The following GIPC2 variants were observed in gnomAD, a reference collection of about 807,000 sequenced individuals.
GIPC2 encodes the protein PDZ domain-containing protein GIPC2.
In GIPC2, 30 loss-of-function variants were observed where a neutral mutation model predicts 30.6. That is an observed-to-expected ratio of 0.98 (90% CI 0.73 to 1.33). The LOEUF (loss-of-function observed/expected upper bound fraction) is 1.33. GIPC2 is among the 40% of genes most tolerant of loss of function. The probability of loss-of-function intolerance (pLI) is 0.00; values close to 1 mark genes in which losing one functional copy is unlikely to be tolerated. For synonymous variants in GIPC2, 167 were observed against 150.0 expected, an observed-to-expected ratio of 1.11 and a Z score of -0.83; for missense variants, 414 against 390.3, an observed-to-expected ratio of 1.06 and a Z score of -0.51.
chr1:78,097,133 G>C (rs910659503), intron 3 of GIPC2, among the ~76,000 whole-genome samples: 2 of 152,122 alleles, frequency 1.3e-5, no homozygotes, highest in Non-Finnish European at 2.9e-5. Flanking sequence ...ATATATCAGG[G>C]GGTACTTGGG....
intron 4 of GIPC2, among the ~76,000 whole-genome samples, chr1:78,120,814 TC>T (rs1334585604): frequency 3.9e-5 from 6 of 152,090 alleles, no homozygotes. Flanking sequence ...TCCCACCGGG[TC>T]CCTCCCACAA....
intron 1 of GIPC2, among the ~76,000 whole-genome samples, chr1:78,068,829 A>T (rs1238448916): frequency 6.6e-6 from 1 of 152,192 alleles, no homozygotes; most frequent in Non-Finnish European, 1.5e-5. Flanking sequence ...AGAAGCAGGT[A>T]GCAAGGGCTC....
chr1:78,129,063 A>C (rs1280802711), intron 5 of GIPC2, among the ~76,000 whole-genome samples: 1 of 152,030 alleles, frequency 6.6e-6, no homozygotes, highest in African/African-American at 2.4e-5. Context: ...CAGCTTAAAA[A>C]AAGGAAATTC....
intron 2 of GIPC2, among the ~76,000 whole-genome samples, 153 bp downstream of exon 2, chr1:78,081,013 T>C (rs1159604823): frequency 1.3e-5 from 2 of 152,198 alleles, no homozygotes; most frequent in African/African-American, 2.4e-5. Flanking sequence ...TTAAAAATGT[T>C]CAGATGTCAG....
At chr1:78,077,380 A>G (rs1006170356) in intron 1 of GIPC2, among the ~76,000 whole-genome samples, 7 of 152,324 alleles carry the variant, frequency 4.6e-5, no homozygotes, top group Non-Finnish European at 8.8e-5. Context: ...AAAATTATTT[A>G]GCTTACATTG....
At chr1:78,049,200 C>T (rs951904817) in intron 1 of GIPC2, among the ~76,000 whole-genome samples, 11 of 152,222 alleles carry the variant, frequency 7.2e-5, no homozygotes, top group African/African-American at 2.4e-4. Flanking sequence ...CTTGTTCTGT[C>T]GCCCAGGCTG....
intron 2 of GIPC2, among the ~76,000 whole-genome samples, chr1:78,088,408 T>C (rs1661974680): frequency 6.6e-6 from 1 of 152,262 alleles, no homozygotes; most frequent in South Asian, 2.1e-4. Context: ...CATGGAATAC[T>C]ATGCAGCATT....
intron 5 of GIPC2, among the ~76,000 whole-genome samples, chr1:78,131,952 G>T (rs1195775510): frequency 2.6e-5 from 4 of 152,140 alleles, no homozygotes; most frequent in African/African-American, 9.7e-5. Flanking sequence ...GTTTCTACAA[G>T]ATCAGGTATT....
At position 78,046,296 on chromosome 1, in the gene GIPC2, G is replaced by A; in HGVS notation, c.202G>A (p.Ala68Thr). The change falls in exon 1 of 6, where the codon GCC becomes ACC. Residue 68 changes from alanine (A) to threonine (T), a missense_variant. Transcript: ENST00000370759. The part of the protein sequence containing the change: ...EGFSSIQELY[A>T]QIAGAFEISP... ...CTTCTCCAGCATCCAGGAGCTCTAC[G>A]CCCAGATCGCGGGCGCGTTTGAAAT... The A allele has an allele frequency of 1.2e-5, 20 of 1,611,776 alleles. No homozygotes were observed. Among genetic ancestry groups the A allele is most frequent in the Non-Finnish European group, 1.6e-5 (19 of 1,179,534 alleles).
intron 1 of GIPC2, among the ~76,000 whole-genome samples, chr1:78,058,339 A>T (rs1661333279): frequency 6.6e-6 from 1 of 152,188 alleles, no homozygotes; most frequent in Non-Finnish European, 1.5e-5. Context: ...TGGTAGTTAT[A>T]ATTGTAGAGT....
chr1:78,086,177 A>G (rs1270933257), intron 2 of GIPC2, among the ~76,000 whole-genome samples: 1 of 152,070 alleles, frequency 6.6e-6, no homozygotes, highest in Non-Finnish European at 1.5e-5. Context: ...TAATTTCACT[A>G]TTTACCCAAA....
intron 1 of GIPC2, among the ~76,000 whole-genome samples, chr1:78,063,840 T>C (rs1270448019): frequency 2.1e-5 from 3 of 142,978 alleles, no homozygotes. Context: ...TGCAGTGAGC[T>C]GAGATTGTGC....
chr1:78,070,999 A>G (rs527624514), intron 1 of GIPC2, among the ~76,000 whole-genome samples: 11 of 152,190 alleles, frequency 7.2e-5, no homozygotes, highest in Non-Finnish European at 1.6e-4. Flanking sequence ...ATGAAGGTCT[A>G]AATAGAGCAT....
Position 78,135,603 on chromosome 1 carries a change from T to C in GIPC2, c.808T>C (p.Phe270Leu). Reference protein sequence around the residue: ...IRDIDLATTMFEAGKDKVNPD... With the variant: ...IRDIDLATTMLEAGKDKVNPD... ...ATTATTTTTGATAGCCACCACAATGTTTGAAGCTGGAAAGGACAAAGTAAA... is the reference window on the plus strand; with the variant it reads ...ATTATTTTTGATAGCCACCACAATGCTTGAAGCTGGAAAGGACAAAGTAAA... Residue 270 changes from phenylalanine (F) to leucine (L), a missense_variant, in exon 6 of 6, where the codon TTT becomes CTT. Phe to Leu is a conservative substitution (Grantham distance 22). Transcript: ENST00000370759. The C allele has an allele frequency of 6.4e-7, 1 of 1,574,262 alleles. No individual in the cohort carries two copies. Among genetic ancestry groups the C allele is most frequent in the Non-Finnish European group, 8.7e-7 (1 of 1,154,354 alleles).
intron 1 of GIPC2, among the ~76,000 whole-genome samples, chr1:78,051,146 AAAG>A (rs1176419343): frequency 6.6e-6 from 1 of 152,150 alleles, no homozygotes; most frequent in Non-Finnish European, 1.5e-5. Context: ...ATAATAAAAA[AAAG>A]AACCCCACTT....
In GIPC2 at chr1:78,135,806, C is replaced by T; in HGVS notation, c.*63C>T. On this transcript the variant is annotated 3_prime_UTR_variant, in exon 6 of 6. Coordinates refer to ENST00000370759, the MANE Select transcript of GIPC2 (RefSeq NM_017655.6). ...CTTTTTTTTCTCTTTTTTAAAAAGT[C>T]CTATAAGATCTGTTTTTGGACACCT... The T allele has an allele frequency of 7.3e-7, 1 of 1,367,372 alleles. No homozygotes were observed. The highest frequency in any genetic ancestry group is 1.0e-6 in the Non-Finnish European group (1 of 983,400). 84.7% of individuals were successfully genotyped at this position (1,367,372 alleles called of 1,614,324 possible).
intron 1 of GIPC2, among the ~76,000 whole-genome samples, chr1:78,060,467 T>A (rs995512049): frequency 2.0e-5 from 3 of 152,142 alleles, no homozygotes; most frequent in African/African-American, 7.2e-5. Flanking sequence ...TCTCTTGATT[T>A]TATCTCAGTG....
rs1663041545 is a variant in GIPC2 at position 78,138,239 on chromosome 1, A to G, written c.*2496A>G. The G allele has an allele frequency of 6.6e-6, 1 of 152,204 alleles. No individual in the cohort carries two copies. The highest frequency in any genetic ancestry group is 1.5e-5 in the Non-Finnish European group (1 of 68,042). 9.4% of individuals were successfully genotyped at this position (152,204 alleles called of 1,614,324 possible). On this transcript the variant is annotated 3_prime_UTR_variant, in exon 6 of 6. Transcript: ENST00000370759. ...AATAGGTACATGTTGGGTTTCTGTG[A>G]TGTTTCAAAAATACAATTATATAAT...
intron 5 of GIPC2, among the ~76,000 whole-genome samples, chr1:78,133,692 A>T (rs1571534622): frequency 6.6e-6 from 1 of 151,898 alleles, no homozygotes; most frequent in Non-Finnish European, 1.5e-5. Flanking sequence ...TCTGTAGATT[A>T]GACTGCCACT....
Sources: gnomAD v4.1 joint callset for allele counts (sites outside exome capture counted in the v4.1 genomes callset) on GRCh38, gnomAD v4.1.1 for gene constraint, MANE v1.5 for transcripts, NCBI Gene and HGNC (gene_info 2026-07-23, HGNC 2026-07-21) for gene names.